Variants in ERLEC1 observed in about 807,000 individuals in gnomAD.
ERLEC1 encodes the protein ER lectin.
A neutral mutation model predicts 68.0 loss-of-function variants in ERLEC1; 47 were observed. That is an observed-to-expected ratio of 0.69 (90% confidence interval 0.55 to 0.88). ERLEC1 has a LOEUF of 0.88. Ranked by LOEUF, ERLEC1 falls within the 40% of genes least tolerant of loss-of-function variation. The pLI is 0.00. For missense variants in ERLEC1, 567 were observed against 583.8 expected (o/e 0.97, Z 0.30); for synonymous variants, 225 against 203.2 (o/e 1.11, Z -0.91).
At chr2:53,803,384 C>T (rs1379973036) in intron 8 of ERLEC1, among the ~76,000 whole-genome samples, 1 of 152,178 alleles carries the variant, frequency 6.6e-6, no homozygotes, top group Non-Finnish European at 1.5e-5. Flanking sequence ...CTGGCACATA[C>T]TTAAAAGTTA....
intron 11 of ERLEC1, 110 bp downstream of exon 11, chr2:53,813,183 T>A (rs1248227907): frequency 1.5e-6 from 2 of 1,310,938 alleles, no homozygotes; most frequent in African/African-American, 3.0e-5. Context: ...TGTTTAGTTT[T>A]TTTCAAGGGA....
rs1437229183 is a variant in ERLEC1 at position 53,799,051 on chromosome 2, A to C, written c.495A>C (p.Arg165=). Residue 165 remains arginine, a synonymous_variant, in exon 6 of 14, where the codon CGA becomes CGC. Coordinates refer to ENST00000185150, the MANE Select transcript of ERLEC1 (RefSeq NM_015701.5). ...ACTTACCTTATTATTCCACAGAACG[A>C]GAAGCAGAAGAAAAGGAAAAATCAA... ...LAKNLLFEKE[R]EAEEKEKSNE... The C allele has an allele frequency of 1.2e-6, 2 of 1,612,618 alleles. No homozygotes were observed. The highest frequency in any genetic ancestry group is 2.2e-5 in the East Asian group (1 of 44,732).
intron 10 of ERLEC1, among the ~76,000 whole-genome samples, chr2:53,811,905 C>T (rs936780381): frequency 8.6e-5 from 13 of 152,000 alleles, no homozygotes; most frequent in Admixed American, 5.9e-4. Flanking sequence ...CCTTTGCCAC[C>T]ATAGGGGTTT....
Position 53,813,033 on chromosome 2 carries a change from A to T in ERLEC1, c.1186A>T (p.Arg396Ter). The T allele has an allele frequency of 6.2e-7, 1 of 1,613,184 alleles. No individual in the cohort carries two copies. The highest frequency in any genetic ancestry group is 8.5e-7 in the Non-Finnish European group (1 of 1,179,744). Reference protein sequence around the residue: ...HIEWAKKNTARAYHLQDDGTQ... With the variant: ...HIEWAKKNTA ...TGAATGGGCTAAGAAGAATACTGCTAGAGCTTATCATCTTCAAGACGATGG... is the reference window on the plus strand; with the variant it reads ...TGAATGGGCTAAGAAGAATACTGCTTGAGCTTATCATCTTCAAGACGATGG... The change falls in exon 11 of 14, where the codon AGA becomes TGA. Residue 396 changes from arginine to a stop codon, truncating the protein, a stop_gained. Transcript: ENST00000185150. LOFTEE classifies it high-confidence loss of function.
chr2:53,787,140 T>C lies in ERLEC1; in HGVS notation c.-71T>C. ...TAGTCCCGCCGCCTCCTCCTCCACC[T>C]CCTCCTCCTCCTCCTCTCCTCCTGG... On this transcript the variant is annotated 5_prime_UTR_variant, in exon 1 of 14. Coordinates refer to ENST00000185150, the MANE Select transcript of ERLEC1 (RefSeq NM_015701.5). The C allele has an allele frequency of 1.1e-5, 4 of 375,942 alleles. No individual in the cohort carries two copies. The highest frequency in any genetic ancestry group is 3.6e-5 in the South Asian group (1 of 27,916). 23.3% of individuals were successfully genotyped at this position (375,942 alleles called of 1,614,324 possible). A position where few individuals can be genotyped will look rare whatever the true frequency, so the allele number is the denominator to read the frequency against.
chr2:53,812,828 C>T (rs561117126), intron 10 of ERLEC1, 121 bp from the exon 11 acceptor site: 5 of 978,554 alleles, frequency 5.1e-6, no homozygotes, highest in Admixed American at 3.0e-5. Flanking sequence ...CATCATTACA[C>T]CTAAATATAG....
chr2:53,812,237 C>A (rs1021061410), intron 10 of ERLEC1, among the ~76,000 whole-genome samples: 1 of 152,014 alleles, frequency 6.6e-6, no homozygotes, highest in Admixed American at 6.6e-5. Flanking sequence ...ATTCTACTAA[C>A]CAGATATCTA....
At chr2:53,813,751 G>A (rs781077018) in intron 11 of ERLEC1, among the ~76,000 whole-genome samples, 8 of 151,388 alleles carry the variant, frequency 5.3e-5, no homozygotes, top group Non-Finnish European at 1.2e-4. Flanking sequence ...CTGACTTTTC[G>A]GGCTGATAAA....
chr2:53,815,198 G>T (rs1676814125), intron 13 of ERLEC1, among the ~76,000 whole-genome samples: 1 of 151,720 alleles, frequency 6.6e-6, no homozygotes, highest in Admixed American at 6.6e-5. Flanking sequence ...TAGAGACGGG[G>T]TTCCACCATG....
intron 1 of ERLEC1, among the ~76,000 whole-genome samples, chr2:53,791,948 T>G (rs972564077): frequency 6.7e-6 from 1 of 148,398 alleles, no homozygotes; most frequent in Non-Finnish European, 1.5e-5. Flanking sequence ...GCCTCGCTCT[T>G]TCGCCCAGGC....
At chr2:53,813,358 A>G (rs930334590) in intron 11 of ERLEC1, among the ~76,000 whole-genome samples, 1 of 152,102 alleles carries the variant, frequency 6.6e-6, no homozygotes, top group Non-Finnish European at 1.5e-5. Context: ...GTGTAATGGT[A>G]TTTGCCTCAT....
intron 1 of ERLEC1, among the ~76,000 whole-genome samples, chr2:53,793,692 C>T (rs1434976916): frequency 6.6e-6 from 1 of 151,964 alleles, no homozygotes; most frequent in Non-Finnish European, 1.5e-5. Flanking sequence ...AGTAGTCCTC[C>T]CACCTCAACC....
chr2:53,818,337 A>T lies in ERLEC1; in HGVS notation c.*368A>T, dbSNP rs1053790211. On this transcript the variant is annotated 3_prime_UTR_variant, in exon 14 of 14. Transcript: ENST00000185150. ...AGATTTATTATGTAAATTATAGTAT[A>T]TGTAAGTAGCTAATGAAGTAAAGAT... is the stretch of plus-strand genomic sequence containing the variant. 1 of 158,558 alleles carries T rather than the reference A, an allele frequency of 6.3e-6. No individual in the cohort carries two copies. Among genetic ancestry groups the T allele is most frequent in the Non-Finnish European group, 1.4e-5 (1 of 71,790 alleles). The allele number at this position is 158,558 out of a possible 1,614,324, so 9.8% of individuals were successfully genotyped here.
At chr2:53,797,872 A>AT (rs150175603) in intron 5 of ERLEC1, 77 bp downstream of exon 5, 92,928 of 1,187,278 alleles carry the variant, frequency 0.078, 1,928 homozygotes, top group East Asian at 0.17. Flanking sequence ...AATTTACGAG[A>AT]TTTTTTTTTT....
intron 13 of ERLEC1, 62 bp downstream of exon 13, chr2:53,814,997 T>C (rs3951217): frequency 3.2e-5 from 10 of 309,244 alleles, no homozygotes; most frequent in Admixed American, 1.9e-4. Flanking sequence ...TTTTTTTTCT[T>C]TTTTTTTTTT....
At chr2:53,801,890 T>G in intron 8 of ERLEC1, 48 bp downstream of exon 8, 1 of 1,483,126 alleles carries the variant, frequency 6.7e-7, no homozygotes, top group Non-Finnish European at 9.3e-7. Flanking sequence ...ATTTTTAAAA[T>G]TTCAGAGCAT....
intron 3 of ERLEC1, 106 bp from the exon 4 acceptor site, chr2:53,797,409 G>T: frequency 1.3e-6 from 1 of 740,806 alleles, no homozygotes; most frequent in Non-Finnish European, 2.2e-6. Context: ...TTTAATGAAA[G>T]CTTACTCTGA....
intron 8 of ERLEC1, among the ~76,000 whole-genome samples, chr2:53,805,418 A>G (rs1400440792): frequency 3.3e-5 from 5 of 151,820 alleles, no homozygotes; most frequent in African/African-American, 1.2e-4. Flanking sequence ...GGGTCTTGCT[A>G]TGTTGCCCGG....
At chr2:53,799,281 T>G (rs528439707) in intron 6 of ERLEC1, among the ~76,000 whole-genome samples, 200 bp downstream of exon 6, 1 of 152,308 alleles carries the variant, frequency 6.6e-6, no homozygotes, top group East Asian at 1.9e-4. Flanking sequence ...TATTTACTCT[T>G]AAGATTATAC....
Sources: gnomAD v4.1 joint callset for allele counts (sites outside exome capture counted in the v4.1 genomes callset) on GRCh38, gnomAD v4.1.1 for gene constraint, MANE v1.5 for transcripts, NCBI Gene and HGNC (gene_info 2026-07-23, HGNC 2026-07-21) for gene names.